Variants in FHIT observed in about 807,000 individuals in gnomAD.
FHIT encodes the protein fragile histidine triad diadenosine triphosphatase, also known as bis(5'-adenosyl)-triphosphatase.
A neutral mutation model predicts 17.9 loss-of-function variants in FHIT; 19 were observed. The ratio of observed to expected loss-of-function variants is 1.06; its 90% CI spans 0.74 to 1.56. FHIT has a LOEUF of 1.56. Ranked by LOEUF, FHIT falls within the 40% of genes most tolerant of loss-of-function variation. FHIT has a pLI of 0.00. For missense variants in FHIT, 248 were observed against 189.2 expected (o/e 1.31, Z -1.82); for synonymous variants, 81 against 69.7 (o/e 1.16, Z -0.81).
At chr3:60,102,507 A>G (rs958745094) in intron 5 of FHIT, among the ~76,000 whole-genome samples, 1 of 152,166 alleles carries the variant, frequency 6.6e-6, no homozygotes, top group Admixed American at 6.5e-5. Context: ...GTTCTAAGAC[A>G]GCCTCCACAT....
chr3:60,175,764 A>G (rs1028163583), intron 5 of FHIT, among the ~76,000 whole-genome samples: 11 of 152,214 alleles, frequency 7.2e-5, no homozygotes, highest in African/African-American at 2.7e-4. Flanking sequence ...TCACCAAGTT[A>G]GAAGCTGAAG....
chr3:60,602,697 C>CT (rs1235026987), intron 4 of FHIT, among the ~76,000 whole-genome samples: 5 of 152,086 alleles, frequency 3.3e-5, no homozygotes, highest in African/African-American at 1.2e-4. Context: ...TGAGCCTGTG[C>CT]AATGGACTGA....
At chr3:60,191,647 T>C (rs761721382) in intron 5 of FHIT, among the ~76,000 whole-genome samples, 2 of 152,108 alleles carry the variant, frequency 1.3e-5, no homozygotes, top group Non-Finnish European at 2.9e-5. Flanking sequence ...GATGAATTAA[T>C]CAACAAATGT....
At chr3:60,406,634 T>C (rs11709440) in intron 5 of FHIT, among the ~76,000 whole-genome samples, 35,480 of 149,792 alleles carry the variant, frequency 0.24, 4,424 homozygotes, top group Non-Finnish European at 0.28. Context: ...TGAAAGTTGT[T>C]GTCAGATTTT....
chr3:60,399,080 C>T (rs1023012942), intron 5 of FHIT, among the ~76,000 whole-genome samples: 1 of 152,112 alleles, frequency 6.6e-6, no homozygotes, highest in Admixed American at 6.6e-5. Context: ...ATAAAATGTG[C>T]TTTCTATCAG....
At chr3:60,766,348 C>T (rs1307430110) in intron 4 of FHIT, among the ~76,000 whole-genome samples, 2 of 152,178 alleles carry the variant, frequency 1.3e-5, no homozygotes, top group Admixed American at 6.5e-5. Flanking sequence ...TATCCAATGG[C>T]TCTAACACCC....
At chr3:60,910,938 G>A (rs1242623988) in intron 3 of FHIT, among the ~76,000 whole-genome samples, 2 of 152,140 alleles carry the variant, frequency 1.3e-5, no homozygotes, top group African/African-American at 4.8e-5. Flanking sequence ...TTTATCTTGG[G>A]ATAATCCAAA....
chr3:60,062,723 G>A (rs1159032074), intron 5 of FHIT, among the ~76,000 whole-genome samples: 1 of 152,180 alleles, frequency 6.6e-6, no homozygotes, highest in Non-Finnish European at 1.5e-5. Context: ...TAAGGGAGAT[G>A]ACCTAACATG....
intron 5 of FHIT, among the ~76,000 whole-genome samples, chr3:60,284,817 T>C (rs1248400997): frequency 6.6e-6 from 1 of 152,120 alleles, no homozygotes; most frequent in Non-Finnish European, 1.5e-5. Context: ...AGCAATGGTG[T>C]ATGTGGCGTG....
At chr3:60,037,564 T>G (rs181279781) in intron 5 of FHIT, among the ~76,000 whole-genome samples, 4 of 151,876 alleles carry the variant, frequency 2.6e-5, no homozygotes, top group African/African-American at 9.7e-5. Context: ...GTATTTTTAG[T>G]AGAGACAGGG....
intron 5 of FHIT, among the ~76,000 whole-genome samples, chr3:60,432,738 C>T (rs1465928709): frequency 2.6e-5 from 4 of 152,076 alleles, no homozygotes; most frequent in Non-Finnish European, 5.9e-5. Flanking sequence ...GCATTGGTGA[C>T]AGGAGTAAAA....
At chr3:61,085,738 G>C (rs2035285974) in intron 2 of FHIT, among the ~76,000 whole-genome samples, 1 of 151,956 alleles carries the variant, frequency 6.6e-6, no homozygotes, top group South Asian at 2.1e-4. Flanking sequence ...TTTTCATCTA[G>C]AAGTTTTATA....
chr3:59,973,002 T>C (rs17061598), intron 7 of FHIT, among the ~76,000 whole-genome samples: 14,968 of 152,132 alleles, frequency 0.098, 814 homozygotes, highest in Middle Eastern at 0.18. Flanking sequence ...TCCCTCCCAG[T>C]TGAATACCAA....
At chr3:61,057,899 G>A (rs2034281905) in intron 2 of FHIT, among the ~76,000 whole-genome samples, 1 of 152,124 alleles carries the variant, frequency 6.6e-6, no homozygotes, top group Non-Finnish European at 1.5e-5. Flanking sequence ...AAAAGCTCAG[G>A]CAGTTGGTGA....
At chr3:60,526,694 C>G (rs1206070229) in intron 5 of FHIT, among the ~76,000 whole-genome samples, 2 of 152,116 alleles carry the variant, frequency 1.3e-5, no homozygotes, top group African/African-American at 2.4e-5. Context: ...TGCTCATGTA[C>G]AATTCCAAAC....
chr3:60,516,688 G>A (rs1393998271), intron 5 of FHIT, among the ~76,000 whole-genome samples: 1 of 152,160 alleles, frequency 6.6e-6, no homozygotes, highest in Non-Finnish European at 1.5e-5. Flanking sequence ...TTTATCAAAT[G>A]CCTAGAACAA....
intron 5 of FHIT, among the ~76,000 whole-genome samples, chr3:60,367,955 T>C (rs1700175343): frequency 6.6e-6 from 1 of 152,210 alleles, no homozygotes; most frequent in African/African-American, 2.4e-5. Flanking sequence ...AAGTCCACCA[T>C]GCACTTACAG....
chr3:60,279,253 T>A (rs1041649961), intron 5 of FHIT, among the ~76,000 whole-genome samples: 2 of 152,082 alleles, frequency 1.3e-5, no homozygotes, highest in South Asian at 4.1e-4. Context: ...AGAAATATGA[T>A]GAACAACTCT....
At chr3:59,869,486 T>TTTTTTTTTTTC (rs1702815236) in intron 8 of FHIT, among the ~76,000 whole-genome samples, 1 of 117,014 alleles carries the variant, frequency 8.5e-6, no homozygotes, top group Non-Finnish European at 1.7e-5. Flanking sequence ...AGAACATCCT[T>TTTTTTTTTTTC]TTTTTTTTTT....
Sources: allele counts gnomAD v4.1 joint callset (sites outside exome capture counted in the v4.1 genomes callset), GRCh38; gene constraint gnomAD v4.1.1; transcripts MANE v1.5; gene names NCBI Gene and HGNC (gene_info 2026-07-23, HGNC 2026-07-21).